The following CNIH3 variants were observed in gnomAD, a reference collection of about 807,000 sequenced individuals.
CNIH3 encodes protein cornichon homolog 3.
A neutral mutation model predicts 24.1 loss-of-function variants in CNIH3; 14 were observed. The ratio of observed to expected loss-of-function variants is 0.58; its 90% CI spans 0.38 to 0.91. CNIH3 has a LOEUF of 0.91. Ranked by LOEUF, CNIH3 falls within the 40% of genes least tolerant of loss-of-function variation. The pLI, the probability that CNIH3 is intolerant of heterozygous loss-of-function variation, is 0.00. For synonymous variants in CNIH3, 68 were observed against 73.8 expected, an observed-to-expected ratio of 0.92 and a Z score of 0.40; for missense variants, 178 against 196.8, an observed-to-expected ratio of 0.90 and a Z score of 0.57.
intron 1 of CNIH3, among the ~76,000 whole-genome samples, chr1:224,478,006 T>A (rs963836335): frequency 2.6e-5 from 4 of 152,226 alleles, no homozygotes; most frequent in Admixed American, 6.5e-5. Flanking sequence ...TGGCCTGTAA[T>A]GTTTCCACTG....
intron 1 of CNIH3, among the ~76,000 whole-genome samples, chr1:224,668,260 C>T (rs1212461441): frequency 6.6e-6 from 1 of 152,230 alleles, no homozygotes; most frequent in Non-Finnish European, 1.5e-5. Flanking sequence ...AATGCCACAG[C>T]TGGCATTACT....
At chr1:224,658,967 A>G (rs1685221764) in intron 1 of CNIH3, among the ~76,000 whole-genome samples, 1 of 152,204 alleles carries the variant, frequency 6.6e-6, no homozygotes, top group South Asian at 2.1e-4. Context: ...GCTTCAAGAA[A>G]ATCTTGTTAT....
At chr1:224,552,100 C>T (rs1191169988) in intron 3 of CNIH3, among the ~76,000 whole-genome samples, 2 of 151,184 alleles carry the variant, frequency 1.3e-5, no homozygotes, top group Non-Finnish European at 3.0e-5. Flanking sequence ...AGAACACCCT[C>T]GGTGGTATTA....
chr1:224,730,616 C>A, intron 4 of CNIH3, 42 bp downstream of exon 4: 1 of 1,239,600 alleles, frequency 8.1e-7, no homozygotes, highest in Non-Finnish European at 1.2e-6. Flanking sequence ...TCTTTTCTGC[C>A]AGGGCAGCCT....
chr1:224,618,985 G>A (rs570366189), intron 1 of CNIH3, among the ~76,000 whole-genome samples: 1 of 152,218 alleles, frequency 6.6e-6, no homozygotes, highest in African/African-American at 2.4e-5. Flanking sequence ...GTGCTTTAAA[G>A]GAACTTTCTC....
chr1:224,684,899 C>T lies in CNIH3; in HGVS notation c.198+56C>T. ...AGGATCGCATGGTGGTGGGTGGGCA[C>T]ACAGTGAAAGAGGCTAGTGAGGCTC... On this transcript the variant is annotated intron_variant, in intron 3 of 5. Coordinates refer to ENST00000272133, the MANE Select transcript of CNIH3 (RefSeq NM_152495.2). This position sits in a 1 kb window ranked among gnomAD's most constrained non-coding sequence, Gnocchi z 4.2. 6.5e-7 allele frequency: 1 copy of T among 1,537,380 alleles called. No individual in the cohort carries two copies. The highest frequency in any genetic ancestry group is 1.7e-5 in the Admixed American group (1 of 59,924).
chr1:224,486,279 T>C (rs1477463044), intron 1 of CNIH3, among the ~76,000 whole-genome samples: 1 of 151,386 alleles, frequency 6.6e-6, no homozygotes, highest in Non-Finnish European at 1.5e-5. Flanking sequence ...CTAATTTTTG[T>C]GGGGTTTTTT....
intron 3 of CNIH3, among the ~76,000 whole-genome samples, chr1:224,594,614 C>A (rs1160803466): frequency 4.6e-5 from 7 of 152,174 alleles, no homozygotes; most frequent in African/African-American, 1.7e-4. Context: ...TAGGCCACGG[C>A]CTTTACTGGG....
intron 1 of CNIH3, among the ~76,000 whole-genome samples, chr1:224,504,244 C>A (rs185519892): frequency 2.6e-5 from 4 of 152,282 alleles, no homozygotes; most frequent in Admixed American, 1.3e-4. Context: ...TCCTAGCACC[C>A]TGTTAAGGCT....
At chr1:224,661,202 C>G (rs7553915) in intron 1 of CNIH3, 1 of 270,528 alleles carries the variant, frequency 3.7e-6, no homozygotes, top group African/African-American at 2.3e-5. Context: ...TGCTGCTCCT[C>G]ACCATGTATC....
At chr1:224,564,722 G>T (rs1680510071) in intron 3 of CNIH3, among the ~76,000 whole-genome samples, 1 of 152,376 alleles carries the variant, frequency 6.6e-6, no homozygotes, top group South Asian at 2.1e-4. Flanking sequence ...AGATGGCAGA[G>T]CCACCTCAAT....
At chr1:224,723,450 G>A (rs1419107470) in intron 3 of CNIH3, among the ~76,000 whole-genome samples, 3 of 152,204 alleles carry the variant, frequency 2.0e-5, no homozygotes, top group Non-Finnish European at 4.4e-5. Flanking sequence ...ATGTGCTCAG[G>A]GAGGGTAAGT....
Position 224,705,176 on chromosome 1 carries a change from T to C in CNIH3, c.198+20333T>C, listed in dbSNP as rs142176617. On this transcript the variant is annotated intron_variant, in intron 3 of 5. Transcript: ENST00000272133. The stretch of plus-strand genomic sequence containing the variant: ...TCTAGTTGTTGTGTTTCCCATAGTT[T>C]CCTTTAATCTAGAACCATTCTCCAC... 2.9e-3 allele frequency among the ~76,000 whole-genome samples: 434 copies of C among 152,266 alleles called. 5 individuals carry two copies. The highest frequency in any genetic ancestry group is 9.9e-3 in the African/African-American group (411 of 41,562).
chr1:224,518,951 G>A (rs1380596302), intron 1 of CNIH3, among the ~76,000 whole-genome samples: 2 of 152,180 alleles, frequency 1.3e-5, no homozygotes, highest in Non-Finnish European at 2.9e-5. Flanking sequence ...TTATGAGCAT[G>A]TGATCTTGGG....
chr1:224,639,775 TCCTTTCTGCTGACCGCCAATATTATAC>T (rs912596405), intron 1 of CNIH3, among the ~76,000 whole-genome samples: 10 of 152,128 alleles, frequency 6.6e-5, no homozygotes, highest in African/African-American at 1.9e-4. Flanking sequence ...AGCTTAACAT[TCCTTTCTGCTGACCGCCAATATTATAC>T]CCTTTCTGCT....
At chr1:224,574,707 G>C in intron 4 of CNIH3, 1 of 1,194,934 alleles carries the variant, frequency 8.4e-7, no homozygotes, top group East Asian at 2.3e-5. Context: ...GGTGAAAGGA[G>C]CCTGCCAGAA....
At chr1:224,462,702 T>C (rs1436860517) in intron 1 of CNIH3, among the ~76,000 whole-genome samples, 4 of 140,062 alleles carry the variant, frequency 2.9e-5, no homozygotes, top group Non-Finnish European at 6.1e-5. Flanking sequence ...GGTGGTGGTG[T>C]GATCACGGCT....
At chr1:224,434,871 C>T in intron 1 of CNIH3, 10 of 985,600 alleles carry the variant, frequency 1.0e-5, no homozygotes, top group Non-Finnish European at 1.2e-5. Flanking sequence ...AGGTATGGAA[C>T]CTATAGGGGG....
At chr1:224,470,838 T>G (rs532561405) in intron 1 of CNIH3, among the ~76,000 whole-genome samples, 115 of 152,256 alleles carry the variant, frequency 7.6e-4, no homozygotes, top group African/African-American at 2.3e-3. Context: ...ATAGTAGGTA[T>G]GTATATTTAT....
Sources: gnomAD v4.1 joint callset for allele counts (sites outside exome capture counted in the v4.1 genomes callset) on GRCh38, gnomAD v4.1.1 for gene constraint, Gnocchi (gnomAD v3.1) non-coding constraint, MANE v1.5 for transcripts, NCBI Gene and HGNC (gene_info 2026-07-23, HGNC 2026-07-21) for gene names.